NALCN: variants seen among roughly 807,000 people sequenced by gnomAD.
The protein encoded by NALCN is sodium leak channel NALCN.
NALCN carries 111 observed loss-of-function variants against 225.3 expected under a neutral mutation model. The ratio of observed to expected loss-of-function variants is 0.49; its 90% CI spans 0.42 to 0.58. The LOEUF is 0.58. NALCN is among the 20% of genes least tolerant of loss of function. The probability of loss-of-function intolerance (pLI) is 0.00; values close to 1 mark genes in which losing one functional copy is unlikely to be tolerated. For missense variants in NALCN, 1,378 were observed against 2,202.4 expected, an observed-to-expected ratio of 0.63 and a Z score of 7.49; for synonymous variants, 764 against 769.0, an observed-to-expected ratio of 0.99 and a Z score of 0.11.
rs577857376 is a variant in NALCN, at chr13:101,243,297, G to A, written c.1267-5375C>T. ...TCCCATATTAAAAACTAGCTCTCAA[G>A]GACTATGCCCTTTTTTAACTCATTT... On this transcript the variant is annotated intron_variant, in intron 11 of 43. Coordinates refer to ENST00000251127, the MANE Select transcript of NALCN (RefSeq NM_052867.4). Among the ~76,000 whole-genome samples, 34 of 103,090 alleles carry A rather than the reference G, an allele frequency of 3.3e-4. 9 individuals are homozygous for A. Among genetic ancestry groups the A allele is most frequent in the Admixed American group, 2.2e-3 (24 of 10,774 alleles). 67.6% of individuals were successfully genotyped at this position (103,090 alleles called of 152,430 possible). A position where few individuals can be genotyped will look rare whatever the true frequency, so the allele number is the denominator to read the frequency against.
At chr13:101,091,503 T>C (rs657836) in intron 28 of NALCN, among the ~76,000 whole-genome samples, 45,823 of 152,076 alleles carry the variant, frequency 0.3, 7,332 homozygotes, top group African/African-American at 0.39. Context: ...GGCTGATTAG[T>C]GGAGACGGTC....
chr13:101,358,621 G>A (rs1488222800), intron 6 of NALCN, among the ~76,000 whole-genome samples: 1 of 152,192 alleles, frequency 6.6e-6, no homozygotes, highest in Admixed American at 6.5e-5. Context: ...TTCAACCACT[G>A]TGGAAGACAA....
chr13:101,056,822 C>T (rs2031324315), intron 43 of NALCN: 1 of 152,174 alleles, frequency 6.6e-6, no homozygotes, highest in South Asian at 2.1e-4. Context: ...TCACATACTG[C>T]TCAGAAATCT....
At chr13:101,084,753 C>T (rs1169803192) in intron 30 of NALCN, among the ~76,000 whole-genome samples, 2 of 152,186 alleles carry the variant, frequency 1.3e-5, no homozygotes, top group Non-Finnish European at 2.9e-5. Context: ...ATAACCAATG[C>T]TGCAATAAGC....
At chr13:101,204,997 T>C (rs931358190) in intron 13 of NALCN, among the ~76,000 whole-genome samples, 3 of 152,122 alleles carry the variant, frequency 2.0e-5, no homozygotes, top group African/African-American at 7.2e-5. Context: ...AGGGTTTAAA[T>C]CAAGAACTCC....
chr13:101,391,770 G>T (rs2047152115), intron 3 of NALCN, among the ~76,000 whole-genome samples: 1 of 151,044 alleles, frequency 6.6e-6, no homozygotes, highest in Non-Finnish European at 1.5e-5. Flanking sequence ...GGATCACAAG[G>T]TCAGGAGATT....
chr13:101,375,722 A>G (rs1361104732), intron 6 of NALCN, among the ~76,000 whole-genome samples: 1 of 152,204 alleles, frequency 6.6e-6, no homozygotes, highest in Non-Finnish European at 1.5e-5. Context: ...TTATAAATAG[A>G]CAAATTCCTA....
chr13:101,118,157 G>A (rs1174254958), intron 18 of NALCN, among the ~76,000 whole-genome samples: 1 of 151,970 alleles, frequency 6.6e-6, no homozygotes, highest in East Asian at 1.9e-4. Flanking sequence ...TGATAGTTGG[G>A]GAGACTGTGC....
chr13:101,225,045 C>T (rs1189616009), intron 13 of NALCN, among the ~76,000 whole-genome samples: 1 of 152,176 alleles, frequency 6.6e-6, no homozygotes, highest in Non-Finnish European at 1.5e-5. Flanking sequence ...CTAACTTGCG[C>T]TGCCCCTGGT....
At chr13:101,281,022 A>T (rs2043151364) in intron 10 of NALCN, among the ~76,000 whole-genome samples, 1 of 151,972 alleles carries the variant, frequency 6.6e-6, no homozygotes, top group African/African-American at 2.4e-5. Context: ...CTGGGATTAC[A>T]GGCGTGCACC....
At chr13:101,110,803 T>C in intron 19 of NALCN, 115 bp from the exon 20 acceptor site, 1 of 1,020,970 alleles carries the variant, frequency 9.8e-7, no homozygotes, top group Non-Finnish European at 1.5e-6. Context: ...CACAAATGCC[T>C]ATGATTTCTT....
intron 7 of NALCN, among the ~76,000 whole-genome samples, chr13:101,312,104 G>C (rs9518371): frequency 1.3e-5 from 2 of 152,020 alleles, no homozygotes; most frequent in African/African-American, 2.4e-5. Flanking sequence ...TGTACGTGTC[G>C]AGGAATTTAT....
At chr13:101,294,550 T>C (rs959163913) in intron 7 of NALCN, among the ~76,000 whole-genome samples, 3 of 150,028 alleles carry the variant, frequency 2.0e-5, no homozygotes, top group Non-Finnish European at 3.0e-5. Flanking sequence ...AATGGCTAAG[T>C]TTATTGTTTC....
chr13:101,072,663 T>C (rs150242438), intron 37 of NALCN, among the ~76,000 whole-genome samples: 3 of 152,262 alleles, frequency 2.0e-5, no homozygotes, highest in Non-Finnish European at 4.4e-5. Flanking sequence ...TGTGCCAAGT[T>C]TGGGGAGAGA....
At chr13:101,153,388 C>T (rs775984375) in intron 15 of NALCN, among the ~76,000 whole-genome samples, 7 of 152,180 alleles carry the variant, frequency 4.6e-5, no homozygotes, top group Non-Finnish European at 1.0e-4. Flanking sequence ...TGAGTCCCTT[C>T]CCTCTGGCTA....
At chr13:101,062,341 T>C (rs1794021788) in intron 40 of NALCN, among the ~76,000 whole-genome samples, 1 of 152,196 alleles carries the variant, frequency 6.6e-6, no homozygotes, top group Non-Finnish European at 1.5e-5. Context: ...AACTCCTTTA[T>C]TTAATGACTA....
At chr13:101,315,960 G>A (rs1047312737) in intron 7 of NALCN, among the ~76,000 whole-genome samples, 1 of 151,982 alleles carries the variant, frequency 6.6e-6, no homozygotes, top group Non-Finnish European at 1.5e-5. Context: ...AATGACCAGT[G>A]ATGGGACAAG....
chr13:101,234,303 T>C (rs555968864), intron 12 of NALCN, among the ~76,000 whole-genome samples: 2 of 152,338 alleles, frequency 1.3e-5, no homozygotes, highest in African/African-American at 4.8e-5. Flanking sequence ...GGCTGACACA[T>C]AGTAGAAGCT....
intron 7 of NALCN, among the ~76,000 whole-genome samples, chr13:101,326,834 G>A (rs928856027): frequency 2.6e-5 from 4 of 152,274 alleles, no homozygotes; most frequent in Admixed American, 6.5e-5. Flanking sequence ...CCAAATAGTC[G>A]GAGAAGGCTT....
Sources: allele counts gnomAD v4.1 joint callset (sites outside exome capture counted in the v4.1 genomes callset), GRCh38; gene constraint gnomAD v4.1.1; transcripts MANE v1.5; gene names NCBI Gene and HGNC (gene_info 2026-07-23, HGNC 2026-07-21).